EIF4H: variants seen among roughly 807,000 people sequenced by gnomAD.
EIF4H encodes the protein eukaryotic translation initiation factor 4H, also known as Williams-Beuren syndrome chromosome region 1.
In EIF4H, 8 loss-of-function variants were observed where a neutral mutation model predicts 30.6. That is an observed-to-expected ratio of 0.26 (90% CI 0.15 to 0.47). EIF4H has a LOEUF of 0.47. Ranked by LOEUF, EIF4H falls within the 20% of genes least tolerant of loss-of-function variation. EIF4H has a pLI of 0.99. For synonymous variants in EIF4H, 106 were observed against 122.7 expected, an observed-to-expected ratio of 0.86 and a Z score of 0.90; for missense variants, 188 against 339.5, an observed-to-expected ratio of 0.55 and a Z score of 3.51.
intron 1 of EIF4H, among the ~76,000 whole-genome samples, chr7:74,182,329 A>G (rs1554708521): frequency 6.6e-6 from 1 of 152,210 alleles, no homozygotes; most frequent in Non-Finnish European, 1.5e-5. Flanking sequence ...TTGAAAGCTT[A>G]ACCATTTTTG....
chr7:74,188,466 C>G (rs1801137401), intron 2 of EIF4H, among the ~76,000 whole-genome samples: 1 of 152,174 alleles, frequency 6.6e-6, no homozygotes, highest in African/African-American at 2.4e-5. Context: ...AAAAGCACAT[C>G]TGTGACAAGT....
At chr7:74,177,628 C>G (rs748139686) in intron 1 of EIF4H, among the ~76,000 whole-genome samples, 1 of 152,150 alleles carries the variant, frequency 6.6e-6, no homozygotes, top group Non-Finnish European at 1.5e-5. Flanking sequence ...TTCACTGATG[C>G]TAGGGCCTGT....
In EIF4H at chr7:74,196,135, A is replaced by T. The variant is rs1367998214; in HGVS notation, c.*827A>T. On this transcript the variant is annotated 3_prime_UTR_variant, in exon 7 of 7. Transcript: ENST00000265753. The stretch of plus-strand genomic sequence containing the variant: ...GAGGCTGGCCTCTCTGGCTGGGTGC[A>T]GTGAATGGCCAGCGGGTTTCTTTTC... 1 of 152,532 alleles carries T rather than the reference A, an allele frequency of 6.6e-6. No individual in the cohort carries two copies. Among genetic ancestry groups the T allele is most frequent in the Non-Finnish European group, 1.5e-5 (1 of 68,218 alleles). 9.4% of individuals were successfully genotyped at this position (152,532 alleles called of 1,614,324 possible).
intron 1 of EIF4H, among the ~76,000 whole-genome samples, chr7:74,185,721 T>C (rs1023779386): frequency 3.3e-5 from 5 of 152,178 alleles, no homozygotes; most frequent in Non-Finnish European, 7.4e-5. Context: ...AGTATGTAGA[T>C]GAAAGACCAG....
At chr7:74,191,339 C>T (rs782710564) in intron 5 of EIF4H, 2 of 514,108 alleles carry the variant, frequency 3.9e-6, no homozygotes, top group Admixed American at 2.1e-5. Flanking sequence ...ACGGCCTTTC[C>T]CCTGCCAGTT....
In EIF4H at chr7:74,196,930, TAAAG is replaced by T. The variant is rs1481667491; in HGVS notation, c.*1625_*1628del. 6.6e-6 allele frequency: 1 copy of T among 152,636 alleles called. No homozygotes were observed. The highest frequency in any genetic ancestry group is 1.5e-5 in the Non-Finnish European group (1 of 68,046). 9.5% of individuals were successfully genotyped at this position (152,636 alleles called of 1,614,324 possible). A position where few individuals can be genotyped will look rare whatever the true frequency, so the allele number is the denominator to read the frequency against. On this transcript the variant is annotated 3_prime_UTR_variant, in exon 7 of 7. Transcript: ENST00000265753. ...ACTTACATCTTCAATGTGGATAAGA[TAAAG>T]AACAAAACACATGCATCTAAACTGC...
rs1282720717 is a variant in EIF4H, at chr7:74,190,242, C to T, written c.410-5C>T. ...CTCAACTTTATCTTTTTTGTGTATCCTCAGGAATGGGTAGCTCTCGAGAAT... is the reference window on the plus strand; with the variant it reads ...CTCAACTTTATCTTTTTTGTGTATCTTCAGGAATGGGTAGCTCTCGAGAAT... On this transcript the variant is annotated splice_polypyrimidine_tract_variant and splice_region_variant and intron_variant, in intron 4 of 6. Coordinates refer to ENST00000265753, the MANE Select transcript of EIF4H (RefSeq NM_022170.2). 3 of 1,613,734 alleles carry T rather than the reference C, an allele frequency of 1.9e-6. No individual in the cohort carries two copies. Among genetic ancestry groups the T allele is most frequent in the Non-Finnish European group, 1.7e-6 (2 of 1,179,852 alleles).
Position 74,174,411 on chromosome 7 carries a change from C to A in EIF4H, c.28C>A (p.Arg10=). The A allele has an allele frequency of 6.9e-7, 1 of 1,458,952 alleles. No homozygotes were observed. Among genetic ancestry groups the A allele is most frequent in the South Asian group, 1.4e-5 (1 of 72,946 alleles). The allele number at this position is 1,458,952 out of a possible 1,614,324, so 90.4% of individuals were successfully genotyped here. MADFDTYDD[R]AYSSFGGGRG... is the part of the protein sequence containing the mutation. Reference sequence around the variant, plus strand: ...GGCGGACTTCGACACCTACGACGATCGGGCCTACAGCAGCTTCGGCGGCGG... The same window carrying A: ...GGCGGACTTCGACACCTACGACGATAGGGCCTACAGCAGCTTCGGCGGCGG... Residue 10 remains arginine, a synonymous_variant, in exon 1 of 7, where the codon CGG becomes AGG. Coordinates refer to ENST00000265753, the MANE Select transcript of EIF4H (RefSeq NM_022170.2).
intron 5 of EIF4H, among the ~76,000 whole-genome samples, chr7:74,192,571 T>A (rs1209168644): frequency 2.0e-5 from 3 of 152,090 alleles, no homozygotes; most frequent in Non-Finnish European, 4.4e-5. Context: ...TCTGTGGAGT[T>A]GCTAGAACAC....
intron 1 of EIF4H, among the ~76,000 whole-genome samples, chr7:74,182,622 T>C (rs1563949477): frequency 6.6e-6 from 1 of 152,206 alleles, no homozygotes; most frequent in East Asian, 1.9e-4. Context: ...CTTGCCCTGT[T>C]GCCCAGGCTG....
chr7:74,189,113 C>A (rs886395280), intron 2 of EIF4H, among the ~76,000 whole-genome samples: 16 of 152,172 alleles, frequency 1.1e-4, no homozygotes, highest in African/African-American at 3.9e-4. Flanking sequence ...AATGTCAGAC[C>A]CCTGGCATCA....
At chr7:74,175,236 A>G (rs1382892992) in intron 1 of EIF4H, among the ~76,000 whole-genome samples, 1 of 152,232 alleles carries the variant, frequency 6.6e-6, no homozygotes, top group Admixed American at 6.5e-5. Flanking sequence ...ATCTTTGAAT[A>G]GAGAGCTCAT....
intron 1 of EIF4H, among the ~76,000 whole-genome samples, chr7:74,178,858 G>A (rs190286149): frequency 6.6e-5 from 10 of 152,282 alleles, no homozygotes; most frequent in African/African-American, 2.2e-4. Flanking sequence ...GTTTCCCCAC[G>A]TCATGATTTA....
intron 1 of EIF4H, chr7:74,183,800 A>G (rs1251589944): frequency 2.6e-5 from 4 of 152,176 alleles, no homozygotes; most frequent in African/African-American, 4.8e-5. Context: ...CTCACATCCT[A>G]TGTGATGTGT....
chr7:74,194,979 G>T, intron 6 of EIF4H, 101 bp downstream of exon 6: 1 of 1,511,032 alleles, frequency 6.6e-7, no homozygotes, highest in South Asian at 1.3e-5. Context: ...ACACAGAGTT[G>T]TCGGCATAGA....
rs1801310190 is a variant in EIF4H, at chr7:74,194,987, A to C, written c.607+109A>C. ...CTACGGCACACAGAGTTGTCGGCATAGATCCCCACGTTCTCTGGAATAGCA... is the reference window on the plus strand; with the variant it reads ...CTACGGCACACAGAGTTGTCGGCATCGATCCCCACGTTCTCTGGAATAGCA... On this transcript the variant is annotated intron_variant, in intron 6 of 6. Transcript: ENST00000265753. The C allele has an allele frequency of 2.7e-6, 4 of 1,506,128 alleles. No homozygotes were observed. The South Asian group carries it at 5.3e-5, about 20-fold the overall frequency. 93.3% of individuals were successfully genotyped at this position (1,506,128 alleles called of 1,614,324 possible). A position where few individuals can be genotyped will look rare whatever the true frequency, so the allele number is the denominator to read the frequency against.
chr7:74,190,220 A>G (rs1554709715), intron 4 of EIF4H, 27 bp from the exon 5 acceptor site: 2 of 1,612,086 alleles, frequency 1.2e-6, no homozygotes, highest in Admixed American at 1.7e-5. Context: ...ACACGACCTC[A>G]ACTTTATCTT....
intron 5 of EIF4H, among the ~76,000 whole-genome samples, chr7:74,192,212 T>C (rs544450214): frequency 3.9e-5 from 6 of 152,196 alleles, no homozygotes; most frequent in Non-Finnish European, 5.9e-5. Context: ...TACTTTGTAC[T>C]CACGTGGAAA....
intron 1 of EIF4H, among the ~76,000 whole-genome samples, chr7:74,180,714 A>G (rs1444480116): frequency 6.6e-6 from 1 of 152,210 alleles, no homozygotes; most frequent in African/African-American, 2.4e-5. Flanking sequence ...TCATCTTAGG[A>G]GGAAGGGCTG....
Sources: allele counts gnomAD v4.1 joint callset (sites outside exome capture counted in the v4.1 genomes callset), GRCh38; gene constraint gnomAD v4.1.1; transcripts MANE v1.5; gene names NCBI Gene and HGNC (gene_info 2026-07-23, HGNC 2026-07-21).